Variants in ADK observed in about 807,000 individuals in gnomAD.
The protein encoded by ADK is N6,N6-dimethyladenosine kinase.
ADK carries 24 observed loss-of-function variants against 44.7 expected under a neutral mutation model. The ratio of observed to expected loss-of-function variants is 0.54; its 90% CI spans 0.39 to 0.76. The LOEUF (loss-of-function observed/expected upper bound fraction) is 0.76, where lower values mean the gene tolerates loss of function less well. Among genes scored for constraint, ADK ranks in the 30% least tolerant of loss-of-function variants. ADK has a pLI of 0.00. For missense variants in ADK, 321 were observed against 425.1 expected, an observed-to-expected ratio of 0.76 and a Z score of 2.15; for synonymous variants, 128 against 142.6, an observed-to-expected ratio of 0.90 and a Z score of 0.73.
At chr10:74,402,848 CT>C (rs1468463567) in intron 6 of ADK, among the ~76,000 whole-genome samples, 5 of 152,206 alleles carry the variant, frequency 3.3e-5, no homozygotes, top group Non-Finnish European at 5.9e-5. Context: ...GAATTGTCAG[CT>C]TTTCTCCTCT....
At chr10:74,155,120 T>C (rs569982328) in intron 1 of ADK, among the ~76,000 whole-genome samples, 1 of 152,302 alleles carries the variant, frequency 6.6e-6, no homozygotes, top group South Asian at 2.1e-4. Context: ...TTCCTAACTG[T>C]TTCACTTCCA....
At chr10:74,356,150 C>G (rs1842141628) in intron 4 of ADK, among the ~76,000 whole-genome samples, 1 of 150,374 alleles carries the variant, frequency 6.7e-6, no homozygotes, top group African/African-American at 2.4e-5. Flanking sequence ...TCCCGAGTAG[C>G]TGGGACTACA....
chr10:74,415,222 G>A (rs1347265359), intron 6 of ADK, among the ~76,000 whole-genome samples: 1 of 152,184 alleles, frequency 6.6e-6, no homozygotes, highest in Non-Finnish European at 1.5e-5. Flanking sequence ...AGGCACTTAT[G>A]CAGAGCCCCA....
At chr10:74,162,562 T>TGA (rs1374619418) in intron 1 of ADK, among the ~76,000 whole-genome samples, 26 of 134,714 alleles carry the variant, frequency 1.9e-4, no homozygotes, top group African/African-American at 6.9e-4. Flanking sequence ...TGTGTGTGTG[T>TGA]GAGACAGAGT....
chr10:74,246,121 G>T (rs918460774), intron 3 of ADK, among the ~76,000 whole-genome samples: 9 of 152,004 alleles, frequency 5.9e-5, no homozygotes, highest in South Asian at 2.1e-4. Flanking sequence ...CTTGTGGGAG[G>T]GGGGGGTCAG....
At chr10:74,256,928 G>T (rs9971034) in intron 3 of ADK, among the ~76,000 whole-genome samples, 111,976 of 152,088 alleles carry the variant, frequency 0.74, 41,919 homozygotes, top group Middle Eastern at 0.85. Context: ...ATTTTTGAAA[G>T]CACAATAACT....
At chr10:74,416,015 TACACACACATACATATATACACAC>T (rs1421546234) in intron 6 of ADK, among the ~76,000 whole-genome samples, 2 of 129,174 alleles carry the variant, frequency 1.5e-5, no homozygotes, top group Non-Finnish European at 3.3e-5. Flanking sequence ...CATTTATATA[TACACACACATACATATATACACAC>T]ACACACACAC....
At position 74,346,357 on chromosome 10, in the gene ADK, A is replaced by G. The variant is rs559751629; in HGVS notation, c.273+31612A>G. 1.2e-4 allele frequency among the ~76,000 whole-genome samples: 18 copies of G among 152,326 alleles called. No individual in the cohort carries two copies. The South Asian group carries it at 2.3e-3, about 19-fold the overall frequency. ...GATCAGGGTTTTACACTTATAGTAC[A>G]GTATACTTGCAATGTAGGTAGGCCT... On this transcript the variant is annotated intron_variant, in intron 4 of 10. Coordinates refer to ENST00000539909, the MANE Select transcript of ADK (RefSeq NM_006721.4).
chr10:74,695,556 G>A (rs965437668), intron 10 of ADK, among the ~76,000 whole-genome samples: 3 of 147,508 alleles, frequency 2.0e-5, no homozygotes, highest in Non-Finnish European at 4.5e-5. Context: ...TATATACAAA[G>A]CTGCTCTCAA....
intron 6 of ADK, among the ~76,000 whole-genome samples, chr10:74,498,557 G>T (rs1004915786): frequency 1.1e-4 from 17 of 152,012 alleles, no homozygotes; most frequent in Non-Finnish European, 2.2e-4. Context: ...TTAAGTTTTA[G>T]GGTACATGTG....
chr10:74,155,816 G>A (rs764371713), intron 1 of ADK, among the ~76,000 whole-genome samples: 1 of 152,192 alleles, frequency 6.6e-6, no homozygotes. Flanking sequence ...ACAGGGGTGA[G>A]CCACCGTGCC....
At chr10:74,163,238 T>G (rs1445713326) in intron 1 of ADK, among the ~76,000 whole-genome samples, 1 of 152,244 alleles carries the variant, frequency 6.6e-6, no homozygotes, top group Non-Finnish European at 1.5e-5. Context: ...AGTGTTGGGA[T>G]TACAGGCGCG....
At chr10:74,351,612 T>G (rs1841966166) in intron 4 of ADK, among the ~76,000 whole-genome samples, 1 of 152,066 alleles carries the variant, frequency 6.6e-6, no homozygotes, top group South Asian at 2.1e-4. Flanking sequence ...TAAATAGGAA[T>G]AGAGGAAGTC....
chr10:74,609,676 C>G (rs1298927791), intron 9 of ADK, among the ~76,000 whole-genome samples: 1 of 152,094 alleles, frequency 6.6e-6, no homozygotes, highest in African/African-American at 2.4e-5. Context: ...CGGAGCTGTT[C>G]CTATTCAGCC....
At position 74,205,380 on chromosome 10, in the gene ADK, A is replaced by G. The variant is rs79137574; in HGVS notation, c.140+4542A>G. Among the ~76,000 whole-genome samples, 692 of 152,038 alleles carry G rather than the reference A, an allele frequency of 4.6e-3. 3 individuals carry two copies. The highest frequency in any genetic ancestry group is 0.016 in the African/African-American group (653 of 41,486). On this transcript the variant is annotated intron_variant, in intron 2 of 10. Transcript: ENST00000539909. Reference sequence around the variant, plus strand: ...GGAATGTAGAGCAGGTTAACATTTGAAATGTAATTAGAAGACTGGGCGTGG... The same window carrying G: ...GGAATGTAGAGCAGGTTAACATTTGGAATGTAATTAGAAGACTGGGCGTGG...
chr10:74,592,890 A>G (rs529867933), intron 8 of ADK, among the ~76,000 whole-genome samples: 47 of 152,340 alleles, frequency 3.1e-4, no homozygotes, highest in African/African-American at 1.1e-3. Context: ...TAAAATTTTA[A>G]ATTCAGTCCT....
At chr10:74,322,220 G>A (rs1840836289) in intron 4 of ADK, among the ~76,000 whole-genome samples, 1 of 152,158 alleles carries the variant, frequency 6.6e-6, no homozygotes, top group Admixed American at 6.5e-5. Flanking sequence ...TTAAAAAGAA[G>A]AAATGACAAT....
intron 1 of ADK, among the ~76,000 whole-genome samples, chr10:74,159,274 T>C (rs535278564): frequency 8.5e-5 from 13 of 152,372 alleles, no homozygotes; most frequent in South Asian, 2.1e-4. Context: ...ATAGCAATTA[T>C]GTAAGAAATT....
At chr10:74,358,602 T>C (rs1266730807) in intron 4 of ADK, among the ~76,000 whole-genome samples, 1 of 152,228 alleles carries the variant, frequency 6.6e-6, no homozygotes, top group East Asian at 1.9e-4. Context: ...TAAGTAGATA[T>C]ATTCTCATAG....
Sources: allele counts gnomAD v4.1 joint callset (sites outside exome capture counted in the v4.1 genomes callset), GRCh38; gene constraint gnomAD v4.1.1; transcripts MANE v1.5; gene names NCBI Gene and HGNC (gene_info 2026-07-23, HGNC 2026-07-21).